Variants in ASIC2 observed in about 807,000 individuals in gnomAD.
ASIC2 encodes acid-sensing ion channel 2.
In ASIC2, 25 loss-of-function variants were observed where a neutral mutation model predicts 57.3. The ratio of observed to expected loss-of-function variants is 0.44; its 90% CI spans 0.32 to 0.61. ASIC2 has a LOEUF of 0.61. Among genes scored for constraint, ASIC2 ranks in the 20% least tolerant of loss-of-function variants. The pLI, the probability that ASIC2 is intolerant of heterozygous loss-of-function variation, is 0.06. For missense variants in ASIC2, 641 were observed against 738.1 expected, an observed-to-expected ratio of 0.87 and a Z score of 1.52; for synonymous variants, 319 against 307.5, an observed-to-expected ratio of 1.04 and a Z score of -0.39.
intron 1 of ASIC2, among the ~76,000 whole-genome samples, chr17:33,953,191 A>G (rs1030234103): frequency 1.3e-5 from 2 of 152,214 alleles, no homozygotes; most frequent in African/African-American, 2.4e-5. Flanking sequence ...GAGATTTTGA[A>G]TGACATTTCT....
intron 1 of ASIC2, among the ~76,000 whole-genome samples, chr17:33,826,486 CT>C (rs1912917345): frequency 6.6e-6 from 1 of 152,218 alleles, no homozygotes; most frequent in African/African-American, 2.4e-5. Context: ...TGAAGGTCAC[CT>C]TTCCCTTTAA....
upstream of ASIC2, among the ~76,000 whole-genome samples, chr17:33,298,295 T>A (rs1306546853): frequency 6.6e-6 from 1 of 152,084 alleles, no homozygotes; most frequent in Admixed American, 6.6e-5. Context: ...GCCCTTCCTG[T>A]GTCCAAGTGT....
chr17:33,452,964 A>C (rs1912314646), intron 1 of ASIC2, among the ~76,000 whole-genome samples: 1 of 152,190 alleles, frequency 6.6e-6, no homozygotes, highest in Non-Finnish European at 1.5e-5. Context: ...GTAAAGACTC[A>C]TGAAATGACA....
intron 1 of ASIC2, among the ~76,000 whole-genome samples, chr17:33,998,075 T>C (rs1906217400): frequency 6.6e-6 from 1 of 152,198 alleles, no homozygotes; most frequent in Admixed American, 6.5e-5. Context: ...TTTCTTGTTA[T>C]TGGCCTGTTC....
chr17:33,880,558 A>G (rs566312279), intron 1 of ASIC2, among the ~76,000 whole-genome samples: 1 of 152,328 alleles, frequency 6.6e-6, no homozygotes, highest in East Asian at 1.9e-4. Flanking sequence ...CTAAACCAGG[A>G]AGAAGTTGAA....
At chr17:33,370,696 C>T (rs1909024418) in intron 1 of ASIC2, among the ~76,000 whole-genome samples, 1 of 152,214 alleles carries the variant, frequency 6.6e-6, no homozygotes, top group Non-Finnish European at 1.5e-5. Flanking sequence ...TTGATTCCCA[C>T]TGGGATTCTC....
At chr17:33,280,643 A>G (rs1904905897) in intron 1 of ASIC2, among the ~76,000 whole-genome samples, 1 of 152,228 alleles carries the variant, frequency 6.6e-6, no homozygotes, top group Admixed American at 6.5e-5. Context: ...CATTTATCCA[A>G]ATCATCTTTC....
chr17:33,325,482 C>T (rs1484883241), intron 1 of ASIC2, among the ~76,000 whole-genome samples: 2 of 152,066 alleles, frequency 1.3e-5, no homozygotes, highest in Non-Finnish European at 2.9e-5. Flanking sequence ...TAAAAGAAGG[C>T]CTGACTGGCT....
chr17:33,307,846 C>A (rs2142201373), intron 1 of ASIC2, among the ~76,000 whole-genome samples: 1 of 152,316 alleles, frequency 6.6e-6, no homozygotes, highest in African/African-American at 2.4e-5. Flanking sequence ...GCATAAAGCA[C>A]AGAGCCTGAC....
intron 1 of ASIC2, among the ~76,000 whole-genome samples, chr17:33,848,080 AT>A (rs1913661247): frequency 6.6e-6 from 1 of 152,126 alleles, no homozygotes; most frequent in South Asian, 2.1e-4. Flanking sequence ...TAAAATCTAC[AT>A]CTGCTTACTT....
intron 1 of ASIC2, among the ~76,000 whole-genome samples, chr17:33,543,897 G>A (rs1597776894): frequency 6.6e-6 from 1 of 152,134 alleles, no homozygotes; most frequent in Non-Finnish European, 1.5e-5. Flanking sequence ...TTTATATACA[G>A]TAAAGTTTAC....
intron 1 of ASIC2, among the ~76,000 whole-genome samples, chr17:33,613,399 C>T (rs906807198): frequency 1.5e-5 from 2 of 134,248 alleles, no homozygotes; most frequent in African/African-American, 5.6e-5. Context: ...CCTTCCTGCT[C>T]TGTAGCCCAG....
At chr17:33,558,989 A>G (rs1915993856) in intron 1 of ASIC2, among the ~76,000 whole-genome samples, 3 of 152,116 alleles carry the variant, frequency 2.0e-5, no homozygotes, top group Admixed American at 6.6e-5. Flanking sequence ...GCTGGTCTCA[A>G]ACTCCTGACC....
At chr17:34,053,982 T>A (rs1293126000) in intron 1 of ASIC2, among the ~76,000 whole-genome samples, 1 of 152,206 alleles carries the variant, frequency 6.6e-6, no homozygotes, top group Non-Finnish European at 1.5e-5. Flanking sequence ...TTCCCCAGCA[T>A]AAGAGACAAT....
rs149156147 is a variant in ASIC2 at position 33,152,335 on chromosome 17, C to T, written c.709-40268G>A. ...GAGTCGAGATGCCTTCACAAAGATG[C>T]CTCATGCTGCAAGGTCGTGAATGCC... is the stretch of plus-strand genomic sequence containing the variant. On this transcript the variant is annotated intron_variant, in intron 1 of 9. Coordinates refer to ENST00000225823, the MANE Select transcript of ASIC2 (RefSeq NM_183377.2). Among the ~76,000 whole-genome samples the T allele has an allele frequency of 8.9e-3, 1,362 of 152,250 alleles. 8 individuals are homozygous for T. The highest frequency in any genetic ancestry group is 0.015 in the Non-Finnish European group (994 of 68,008).
intron 1 of ASIC2, among the ~76,000 whole-genome samples, chr17:33,838,808 T>G (rs973424499): frequency 6.6e-6 from 1 of 152,126 alleles, no homozygotes; most frequent in Non-Finnish European, 1.5e-5. Context: ...CAACCAAATG[T>G]TATAGTCTCT....
intron 1 of ASIC2, among the ~76,000 whole-genome samples, chr17:33,358,467 TATC>T (rs1445811302): frequency 1.3e-5 from 2 of 152,236 alleles, no homozygotes; most frequent in African/African-American, 4.8e-5. Flanking sequence ...GAACAAATAT[TATC>T]ATTCATTCAT....
intron 1 of ASIC2, among the ~76,000 whole-genome samples, chr17:33,256,484 A>T (rs559255362): frequency 6.6e-5 from 10 of 152,308 alleles, no homozygotes; most frequent in African/African-American, 2.4e-4. Context: ...AACCATGTGC[A>T]TGTATGACTT....
In ASIC2 at chr17:34,039,892, G is replaced by A. The variant is rs527540348; in HGVS notation, c.555+116086C>T. ...CATCATTTCTACTGCCGCCGCCGCC[G>A]CTGCCGCTCCACGCTCCTCCCTGGA... On this transcript the variant is annotated intron_variant, in intron 1 of 9. Coordinates refer to the ASIC2 transcript ENST00000359872. The A allele has an allele frequency of 2.5e-6, 4 of 1,579,182 alleles. No individual in the cohort carries two copies. The African/African-American group carries it at 5.4e-5, about 21-fold the overall frequency.
Sources: gnomAD v4.1 joint callset for allele counts (sites outside exome capture counted in the v4.1 genomes callset) on GRCh38, gnomAD v4.1.1 for gene constraint, MANE v1.5 for transcripts, NCBI Gene and HGNC (gene_info 2026-07-23, HGNC 2026-07-21) for gene names.